Variants in ZBTB7C observed in about 807,000 individuals in gnomAD.
ZBTB7C encodes the protein zinc finger and BTB domain-containing protein 7C.
A neutral mutation model predicts 25.7 loss-of-function variants in ZBTB7C; 8 were observed. The observed-to-expected ratio is 0.31, with a 90% CI of 0.18 to 0.56. The LOEUF (loss-of-function observed/expected upper bound fraction) is 0.56, where lower values mean the gene tolerates loss of function less well. Among genes scored for constraint, ZBTB7C ranks in the 20% least tolerant of loss-of-function variants. The probability of loss-of-function intolerance (pLI) is 0.91; values close to 1 mark genes in which losing one functional copy is unlikely to be tolerated. For missense variants in ZBTB7C, 824 were observed against 855.2 expected (o/e 0.96, Z 0.46); for synonymous variants, 394 against 369.0 (o/e 1.07, Z -0.78).
chr18:48,077,062 C>CA (rs10539603), intron 3 of ZBTB7C: 44,904 of 399,580 alleles, frequency 0.11, 2,191 homozygotes, highest in East Asian at 0.3. Flanking sequence ...TTGTTATATG[C>CA]AAAAAAAAAA....
At chr18:48,358,656 G>A (rs923722418) in intron 1 of ZBTB7C, among the ~76,000 whole-genome samples, 6 of 152,144 alleles carry the variant, frequency 3.9e-5, no homozygotes, top group Admixed American at 3.9e-4. Context: ...GGATAGGCTG[G>A]GCCATGCTGC....
chr18:48,160,039 C>T (rs1318795600), intron 3 of ZBTB7C, among the ~76,000 whole-genome samples: 1 of 152,228 alleles, frequency 6.6e-6, no homozygotes, highest in South Asian at 2.1e-4. Flanking sequence ...CAGCATTAAT[C>T]GCTCTGATCT....
chr18:48,371,649 G>C (rs1266566747), intron 1 of ZBTB7C, among the ~76,000 whole-genome samples: 2 of 152,186 alleles, frequency 1.3e-5, no homozygotes, highest in African/African-American at 4.8e-5. Context: ...CTCAGTGAGA[G>C]CATGGCCAGG....
At chr18:48,343,212 A>T (rs983240474) in intron 1 of ZBTB7C, among the ~76,000 whole-genome samples, 1 of 152,124 alleles carries the variant, frequency 6.6e-6, no homozygotes, top group Non-Finnish European at 1.5e-5. Context: ...TACTACTAGA[A>T]GGTATTAGAT....
At chr18:48,233,868 T>C (rs564749876) in intron 2 of ZBTB7C, among the ~76,000 whole-genome samples, 3 of 152,200 alleles carry the variant, frequency 2.0e-5, no homozygotes, top group Admixed American at 6.5e-5. Context: ...AATGCATTTA[T>C]GAGATTTCAA....
intron 2 of ZBTB7C, among the ~76,000 whole-genome samples, chr18:48,243,169 A>C (rs6507829): frequency 0.97 from 146,715 of 151,250 alleles, 71,306 homozygotes; most frequent in East Asian, 1. Context: ...GAGGCTGAGG[A>C]ACAAGAACTG....
At chr18:48,058,826 T>A (rs534202826) in intron 3 of ZBTB7C, among the ~76,000 whole-genome samples, 1 of 152,288 alleles carries the variant, frequency 6.6e-6, no homozygotes, top group African/African-American at 2.4e-5. Context: ...GGGGAAACCA[T>A]TGTCATCTTG....
intron 2 of ZBTB7C, among the ~76,000 whole-genome samples, chr18:48,270,026 A>T (rs2044428118): frequency 6.6e-6 from 1 of 152,226 alleles, no homozygotes. Context: ...AAGGCATTCC[A>T]GACAAATAAT....
chr18:48,137,217 G>T, intron 3 of ZBTB7C: 1 of 985,532 alleles, frequency 1.0e-6, no homozygotes, highest in Non-Finnish European at 1.2e-6. Context: ...GAAGTATTTG[G>T]CCGGGAGCCC....
intron 3 of ZBTB7C, among the ~76,000 whole-genome samples, chr18:48,078,377 A>G (rs2037854730): frequency 6.6e-6 from 1 of 152,166 alleles, no homozygotes; most frequent in South Asian, 2.1e-4. Context: ...TGCAGAGAAC[A>G]TGGTGTGGCC....
intron 1 of ZBTB7C, among the ~76,000 whole-genome samples, chr18:48,358,954 G>T (rs1471364362): frequency 6.6e-6 from 1 of 152,048 alleles, no homozygotes; most frequent in African/African-American, 2.4e-5. Context: ...GGGCCTTCCT[G>T]TTGGAATCAC....
intron 3 of ZBTB7C, among the ~76,000 whole-genome samples, chr18:48,107,936 G>A (rs769912286): frequency 9.2e-5 from 14 of 152,166 alleles, no homozygotes; most frequent in Non-Finnish European, 1.9e-4. Context: ...AGAAGCCAGA[G>A]GTTCCCAGGG....
At chr18:48,207,548 CATCT>C (rs780107252) in intron 2 of ZBTB7C, among the ~76,000 whole-genome samples, 1 of 151,996 alleles carries the variant, frequency 6.6e-6, no homozygotes, top group Non-Finnish European at 1.5e-5. Flanking sequence ...AATCATCTAT[CATCT>C]ATCTATCCAC....
In ZBTB7C at chr18:48,276,614, T is replaced by C. The variant is rs574685208; in HGVS notation, c.-79+61560A>G. The stretch of plus-strand genomic sequence containing the variant: ...TGGTTTCCAATTTCATCCATGTCCC[T>C]ACAAAGGACATGAACTCATCATTTT... On this transcript the variant is annotated intron_variant, in intron 2 of 4. Coordinates refer to ENST00000590800, the MANE Select transcript of ZBTB7C (RefSeq NM_001318841.2). 4.0e-4 allele frequency among the ~76,000 whole-genome samples: 39 copies of C among 97,448 alleles called. 2 individuals are homozygous for C. The East Asian group carries it at 0.01, about 26-fold the overall frequency. The allele number at this position is 97,448 out of a possible 152,430, so 63.9% of individuals were successfully genotyped here. A position where few individuals can be genotyped will look rare whatever the true frequency, so the allele number is the denominator to read the frequency against.
At chr18:48,359,428 A>G (rs1350258858) in intron 1 of ZBTB7C, among the ~76,000 whole-genome samples, 1 of 152,214 alleles carries the variant, frequency 6.6e-6, no homozygotes, top group Non-Finnish European at 1.5e-5. Flanking sequence ...ATACATAACA[A>G]CACTCTAATA....
intron 2 of ZBTB7C, among the ~76,000 whole-genome samples, chr18:48,241,540 A>G (rs926126680): frequency 6.6e-6 from 1 of 152,156 alleles, no homozygotes; most frequent in African/African-American, 2.4e-5. Flanking sequence ...TTGGCAATCA[A>G]CTCCAAAAGG....
chr18:48,097,810 T>C (rs2144593162), intron 3 of ZBTB7C, among the ~76,000 whole-genome samples: 1 of 152,298 alleles, frequency 6.6e-6, no homozygotes, highest in South Asian at 2.1e-4. Flanking sequence ...AACAAACCTT[T>C]GTATCCTCAT....
At chr18:48,356,113 G>A (rs757084651) in intron 1 of ZBTB7C, among the ~76,000 whole-genome samples, 12 of 152,164 alleles carry the variant, frequency 7.9e-5, no homozygotes, top group Non-Finnish European at 1.5e-4. Context: ...CATGAGGCTT[G>A]AGACCCACTG....
chr18:48,264,609 C>T (rs1490965117), intron 2 of ZBTB7C, among the ~76,000 whole-genome samples: 1 of 152,090 alleles, frequency 6.6e-6, no homozygotes, highest in African/African-American at 2.4e-5. Flanking sequence ...TGCAGGGGTT[C>T]GGTTAAGGGA....
Sources: allele counts gnomAD v4.1 joint callset (sites outside exome capture counted in the v4.1 genomes callset), GRCh38; gene constraint gnomAD v4.1.1; transcripts MANE v1.5; gene names NCBI Gene and HGNC (gene_info 2026-07-23, HGNC 2026-07-21).